The following DZIP1L variants were observed in gnomAD, a reference collection of about 807,000 sequenced individuals.
DZIP1L encodes cilium assembly protein DZIP1L.
DZIP1L carries 90 observed loss-of-function variants against 88.7 expected under a neutral mutation model. The ratio of observed to expected loss-of-function variants is 1.02; its 90% CI spans 0.86 to 1.21. The LOEUF (loss-of-function observed/expected upper bound fraction) is 1.21. Ranked by LOEUF, DZIP1L falls within the 50% of genes most tolerant of loss-of-function variation. The pLI is 0.00. For missense variants in DZIP1L, 932 were observed against 955.8 expected, an observed-to-expected ratio of 0.98 and a Z score of 0.33; for synonymous variants, 363 against 372.1, an observed-to-expected ratio of 0.98 and a Z score of 0.28.
At position 138,065,720 on chromosome 3, in the gene DZIP1L, G is replaced by A. The variant is rs75427424; in HGVS notation, c.2003-953C>T. Among the ~76,000 whole-genome samples, 1,262 of 152,318 alleles carry A rather than the reference G, an allele frequency of 8.3e-3. 18 individuals carry two copies. Among genetic ancestry groups the A allele is most frequent in the African/African-American group, 0.028 (1,180 of 41,568 alleles). Reference sequence around the variant, plus strand: ...ATTAAGAGCAAGAAATTTGCAGACCGCAAGCCTAGCCTGACATCCCAGGGT... The same window carrying A: ...ATTAAGAGCAAGAAATTTGCAGACCACAAGCCTAGCCTGACATCCCAGGGT... On this transcript the variant is annotated intron_variant, in intron 14 of 15. Transcript: ENST00000327532.
intron 6 of DZIP1L, 25 bp from the exon 7 acceptor site, chr3:138,087,048 A>G: frequency 6.2e-7 from 1 of 1,612,332 alleles, no homozygotes; most frequent in South Asian, 1.1e-5. Flanking sequence ...AAGCTTATCA[A>G]ATGGGCCCTT....
intron 12 of DZIP1L, chr3:138,069,151 T>G (rs1016044735): frequency 2.9e-6 from 2 of 686,114 alleles, no homozygotes; most frequent in Non-Finnish European, 5.3e-6. Flanking sequence ...CTCCTCTTCC[T>G]CCTCCTCTTC....
intron 10 of DZIP1L, among the ~76,000 whole-genome samples, chr3:138,077,842 T>C (rs1943484494): frequency 6.6e-6 from 1 of 152,218 alleles, no homozygotes; most frequent in Admixed American, 6.5e-5. Context: ...GGTTCCAGCC[T>C]AATCCTAGCC....
At chr3:138,065,778 T>C (rs1464565530) in intron 14 of DZIP1L, among the ~76,000 whole-genome samples, 1 of 152,172 alleles carries the variant, frequency 6.6e-6, no homozygotes, top group African/African-American at 2.4e-5. Flanking sequence ...GACAAAACTC[T>C]AAATTCCATA....
chr3:138,105,858 A>C (rs1426650117), intron 1 of DZIP1L, among the ~76,000 whole-genome samples: 1 of 152,166 alleles, frequency 6.6e-6, no homozygotes, highest in Non-Finnish European at 1.5e-5. Context: ...TCATAAGCAT[A>C]GACTGTTTCT....
intron 2 of DZIP1L, among the ~76,000 whole-genome samples, chr3:138,101,123 CCTT>C (rs2042294234): frequency 1.3e-5 from 2 of 152,120 alleles, no homozygotes; most frequent in Non-Finnish European, 2.9e-5. Flanking sequence ...ACATATACAT[CCTT>C]CTTCTACATA....
intron 11 of DZIP1L, among the ~76,000 whole-genome samples, chr3:138,075,392 C>A (rs141338144): frequency 0.02 from 3,014 of 152,182 alleles, 99 homozygotes; most frequent in African/African-American, 0.069. Context: ...CCAAGATAGA[C>A]CAGATGATAG....
rs1944063298 is a variant in DZIP1L, at chr3:138,088,623, C to T, written c.871-116G>A. On this transcript the variant is annotated intron_variant, in intron 5 of 15. Transcript: ENST00000327532. Reference sequence around the variant, plus strand: ...TACCCAACTCATCCTCCCAACTCATCCTCACTAGATACCTACTCACCTACA... The same window carrying T: ...TACCCAACTCATCCTCCCAACTCATTCTCACTAGATACCTACTCACCTACA... The T allele has an allele frequency of 6.4e-6, 9 of 1,417,160 alleles. No homozygotes were observed. The East Asian group carries it at 2.3e-4, about 36-fold the overall frequency. The allele number at this position is 1,417,160 out of a possible 1,614,324, so 87.8% of individuals were successfully genotyped here. A position where few individuals can be genotyped will look rare whatever the true frequency, so the allele number is the denominator to read the frequency against.
At chr3:138,086,204 A>T (rs1943927324) in intron 7 of DZIP1L, among the ~76,000 whole-genome samples, 1 of 151,728 alleles carries the variant, frequency 6.6e-6, no homozygotes, top group African/African-American at 2.4e-5. Context: ...ACATGTATAC[A>T]TATGTAACTA....
intron 14 of DZIP1L, 46 bp downstream of exon 14, chr3:138,067,485 G>T (rs1358943144): frequency 6.5e-7 from 1 of 1,541,826 alleles, no homozygotes; most frequent in Non-Finnish European, 8.7e-7. Flanking sequence ...CTGGAGAAGG[G>T]CTACACCGGT....
intron 14 of DZIP1L, among the ~76,000 whole-genome samples, chr3:138,066,670 G>C (rs1459512234): frequency 6.6e-6 from 1 of 152,012 alleles, no homozygotes; most frequent in African/African-American, 2.4e-5. Flanking sequence ...TGAGCACGCG[G>C]TGAGCACCCA....
intron 11 of DZIP1L, among the ~76,000 whole-genome samples, chr3:138,074,498 A>G (rs1428790510): frequency 2.0e-5 from 3 of 152,238 alleles, no homozygotes; most frequent in Non-Finnish European, 2.9e-5. Flanking sequence ...TCTTTTCCAG[A>G]CAAACAAATG....
Position 138,063,120 on chromosome 3 carries a change from C to A in DZIP1L, c.2143-143G>T, listed in dbSNP as rs1469295394. 6.7e-6 allele frequency: 6 copies of A among 893,086 alleles called. No homozygotes were observed. The highest frequency in any genetic ancestry group is 1.0e-5 in the Non-Finnish European group (6 of 597,510). The allele number at this position is 893,086 out of a possible 1,614,324, so 55.3% of individuals were successfully genotyped here. Reference sequence around the variant, plus strand: ...AAGAAAGCAATAGGGAGATGCTACTCCTCCTGACTTCTCAAGTCTTCCTGC... The same window carrying A: ...AAGAAAGCAATAGGGAGATGCTACTACTCCTGACTTCTCAAGTCTTCCTGC... On this transcript the variant is annotated intron_variant, in intron 15 of 15. Transcript: ENST00000327532. The surrounding 1 kb of genome is among the most constrained non-coding windows in gnomAD (Gnocchi z 4.1).
intron 12 of DZIP1L, 115 bp downstream of exon 12, chr3:138,071,528 G>A: frequency 8.1e-7 from 1 of 1,228,484 alleles, no homozygotes; most frequent in South Asian, 1.7e-5. Context: ...CAGCCCTTCA[G>A]AGAAGTGCCC....
chr3:138,065,465 C>T (rs1942852956), intron 14 of DZIP1L, among the ~76,000 whole-genome samples: 1 of 152,192 alleles, frequency 6.6e-6, no homozygotes, highest in African/African-American at 2.4e-5. Flanking sequence ...GTCCAAATAC[C>T]TCATTTTATA....
At chr3:138,071,556 C>A in intron 12 of DZIP1L, 87 bp downstream of exon 12, 1 of 1,467,898 alleles carries the variant, frequency 6.8e-7, no homozygotes, top group East Asian at 2.3e-5. Flanking sequence ...GGGACAGAGA[C>A]TATACCCTCC....
intron 4 of DZIP1L, among the ~76,000 whole-genome samples, chr3:138,094,057 C>T (rs1009829054): frequency 6.6e-6 from 1 of 152,222 alleles, no homozygotes; most frequent in Non-Finnish European, 1.5e-5. Flanking sequence ...TAAACTTAAT[C>T]ATTTCTACCT....
intron 7 of DZIP1L, among the ~76,000 whole-genome samples, chr3:138,086,652 G>T (rs1943954010): frequency 6.6e-6 from 1 of 152,174 alleles, no homozygotes; most frequent in African/African-American, 2.4e-5. Flanking sequence ...TTCATCTGAG[G>T]TTTATCGAAC....
chr3:138,098,846 T>C (rs1022928980), intron 2 of DZIP1L, among the ~76,000 whole-genome samples: 40 of 152,338 alleles, frequency 2.6e-4, no homozygotes, highest in African/African-American at 9.4e-4. Context: ...TGTGATATTG[T>C]GATACAATAA....
Sources: gnomAD v4.1 joint callset for allele counts (sites outside exome capture counted in the v4.1 genomes callset) on GRCh38, gnomAD v4.1.1 for gene constraint, Gnocchi (gnomAD v3.1) non-coding constraint, MANE v1.5 for transcripts, NCBI Gene and HGNC (gene_info 2026-07-23, HGNC 2026-07-21) for gene names.